DYSF: variants seen among roughly 807,000 people sequenced by gnomAD.
DYSF encodes dysferlin.
In DYSF, 212 loss-of-function variants were observed where a neutral mutation model predicts 274.9. The observed-to-expected ratio is 0.77, with a 90% CI of 0.69 to 0.86. The LOEUF is 0.86. Among genes scored for constraint, DYSF ranks in the 40% least tolerant of loss-of-function variants. DYSF has a pLI of 0.00. For missense variants in DYSF, 2,666 were observed against 2,783.2 expected, an observed-to-expected ratio of 0.96 and a Z score of 0.95; for synonymous variants, 1,091 against 1,078.7, an observed-to-expected ratio of 1.01 and a Z score of -0.22.
At chr2:71,600,126 G>C (rs77134945) in intron 33 of DYSF, among the ~76,000 whole-genome samples, 4,051 of 152,308 alleles carry the variant, frequency 0.027, 63 homozygotes, top group African/African-American at 0.034. Flanking sequence ...AGCCCTGAGG[G>C]GGCTTGCCCC....
chr2:71,569,226 C>T (rs2092292096), intron 26 of DYSF, among the ~76,000 whole-genome samples: 1 of 152,174 alleles, frequency 6.6e-6, no homozygotes, highest in African/African-American at 2.4e-5. Flanking sequence ...GGGTGTGGCC[C>T]CATCCTCAAA....
At chr2:71,505,175 A>C (rs576335750) in intron 4 of DYSF, among the ~76,000 whole-genome samples, 19 of 152,180 alleles carry the variant, frequency 1.2e-4, no homozygotes, top group South Asian at 4.1e-4. Flanking sequence ...GATGGCATTA[A>C]GGTCACAGTG....
intron 24 of DYSF, among the ~76,000 whole-genome samples, chr2:71,565,904 G>C (rs2092070988): frequency 6.6e-6 from 1 of 152,196 alleles, no homozygotes; most frequent in African/African-American, 2.4e-5. Flanking sequence ...TTTCCTTTTG[G>C]GGAGCTCCCC....
intron 17 of DYSF, among the ~76,000 whole-genome samples, chr2:71,545,662 A>ATT (rs1316441057): frequency 6.6e-6 from 1 of 152,178 alleles, no homozygotes; most frequent in Non-Finnish European, 1.5e-5. Context: ...ATCCAGGGGC[A>ATT]GACAGTGGTG....
chr2:71,601,386 G>C (rs2093547056), intron 34 of DYSF, 113 bp from the exon 35 acceptor site: 1 of 1,400,668 alleles, frequency 7.1e-7, no homozygotes, highest in Non-Finnish European at 1.0e-6. Flanking sequence ...TCAAGGAATA[G>C]AGGCTGCAAA....
chr2:71,662,467 T>G (rs948298597), intron 45 of DYSF, among the ~76,000 whole-genome samples: 3 of 151,200 alleles, frequency 2.0e-5, no homozygotes, highest in East Asian at 1.9e-4. Flanking sequence ...TGTGCACATA[T>G]GTGCGTGCGT....
intron 3 of DYSF, among the ~76,000 whole-genome samples, chr2:71,491,366 G>A (rs1319746278): frequency 3.3e-5 from 5 of 152,130 alleles, no homozygotes; most frequent in Non-Finnish European, 2.9e-5. Context: ...CACTCACATG[G>A]CAACAGGCAT....
At chr2:71,460,607 A>T (rs2081244490) in intron 1 of DYSF, among the ~76,000 whole-genome samples, 1 of 152,204 alleles carries the variant, frequency 6.6e-6, no homozygotes, top group African/African-American at 2.4e-5. Flanking sequence ...GCAAGGGAAC[A>T]GTCAGTTATC....
At chr2:71,593,062 T>C (rs992400172) in intron 32 of DYSF, among the ~76,000 whole-genome samples, 2 of 151,900 alleles carry the variant, frequency 1.3e-5, no homozygotes, top group Admixed American at 6.6e-5. Context: ...TGTTTATTAA[T>C]GTGTGTGCCC....
intron 14 of DYSF, among the ~76,000 whole-genome samples, 175 bp from the exon 15 acceptor site, chr2:71,534,846 T>C (rs1190032043): frequency 1.3e-5 from 2 of 152,206 alleles, no homozygotes; most frequent in Non-Finnish European, 2.9e-5. Context: ...GCTTTGTCTC[T>C]GCAAAGATTC....
chr2:71,580,203 T>C (rs557510146), intron 30 of DYSF, among the ~76,000 whole-genome samples: 24 of 152,344 alleles, frequency 1.6e-4, no homozygotes, highest in African/African-American at 5.8e-4. Flanking sequence ...GCCAGGCAGC[T>C]TGGCAGTCCT....
intron 17 of DYSF, among the ~76,000 whole-genome samples, chr2:71,543,787 G>A (rs1382654994): frequency 1.3e-5 from 2 of 152,216 alleles, no homozygotes; most frequent in African/African-American, 4.8e-5. Flanking sequence ...AGGCACGGAG[G>A]TTGCAGTGAG....
intron 17 of DYSF, among the ~76,000 whole-genome samples, chr2:71,544,276 C>T (rs2090277868): frequency 6.6e-6 from 1 of 152,026 alleles, no homozygotes; most frequent in Admixed American, 6.6e-5. Flanking sequence ...GTGGGTCTTT[C>T]TCTGTCCATC....
Position 71,598,642 on chromosome 2 carries a change from A to G in DYSF, c.3653A>G (p.Asp1218Gly), listed in dbSNP as rs755975458. The G allele has an allele frequency of 4.3e-6, 7 of 1,614,064 alleles. No homozygotes were observed. The highest frequency in any genetic ancestry group is 5.9e-6 in the Non-Finnish European group (7 of 1,180,048). Residue 1218 changes from aspartate to glycine, a missense_variant, in exon 33 of 56, where the codon GAC becomes GGC. This residue lies in a region of DYSF where 1,460 missense variants were observed against 1,502.1 expected (regional missense o/e 0.97). Coordinates refer to ENST00000410020, the MANE Select transcript of DYSF (RefSeq NM_001130987.2). Reference sequence around the variant, plus strand: ...AAGAACACCCTTAACCCCACCTGGGACCAGACGCTCATCTTCTACGAGATC... The same window carrying G: ...AAGAACACCCTTAACCCCACCTGGGGCCAGACGCTCATCTTCTACGAGATC... ...VVKNTLNPTW[D>G]QTLIFYEIEI...
At chr2:71,533,990 A>G (rs1025781566) in intron 14 of DYSF, among the ~76,000 whole-genome samples, 2 of 152,014 alleles carry the variant, frequency 1.3e-5, no homozygotes, top group African/African-American at 4.8e-5. Context: ...CTCTTTGCTA[A>G]CTAACACAAG....
intron 41 of DYSF, among the ~76,000 whole-genome samples, chr2:71,639,969 A>G (rs2094461929): frequency 6.6e-6 from 1 of 152,164 alleles, no homozygotes; most frequent in Non-Finnish European, 1.5e-5. Context: ...AGTTCTGAGC[A>G]CTCTCTCTAT....
intron 12 of DYSF, among the ~76,000 whole-genome samples, chr2:71,525,610 C>A (rs181992157): frequency 6.6e-6 from 1 of 152,204 alleles, no homozygotes; most frequent in Non-Finnish European, 1.5e-5. Flanking sequence ...AGTGCATACA[C>A]ATCAATGCAT....
chr2:71,459,199 T>C (rs554440182), intron 1 of DYSF, among the ~76,000 whole-genome samples: 1 of 152,314 alleles, frequency 6.6e-6, no homozygotes. Context: ...AATGTTCCTC[T>C]AAAGGTCAGT....
intron 41 of DYSF, among the ~76,000 whole-genome samples, chr2:71,629,104 C>A (rs146148747): frequency 0.01 from 1,580 of 152,018 alleles, 20 homozygotes; most frequent in African/African-American, 0.034. Context: ...ATACAGTGGA[C>A]CTCTTCTATT....
Sources: allele counts gnomAD v4.1 joint callset (sites outside exome capture counted in the v4.1 genomes callset), GRCh38; gene constraint gnomAD v4.1.1; regional missense constraint gnomAD v4.1.1; transcripts MANE v1.5; gene names NCBI Gene and HGNC (gene_info 2026-07-23, HGNC 2026-07-21).